The following CHRM3 variants were observed in gnomAD, a reference collection of about 807,000 sequenced individuals.
The protein encoded by CHRM3 is cholinergic receptor muscarinic 3.
CHRM3 carries 11 observed loss-of-function variants against 41.8 expected under a neutral mutation model. That is an observed-to-expected ratio of 0.26 (90% CI 0.17 to 0.44). The LOEUF is 0.44. Among genes scored for constraint, CHRM3 ranks in the 20% least tolerant of loss-of-function variants. CHRM3 has a pLI of 1.00. For synonymous variants in CHRM3, 297 were observed against 301.4 expected (o/e 0.99, Z 0.15); for missense variants, 571 against 745.4 (o/e 0.77, Z 2.72).
In CHRM3 at chr1:239,636,728, G is replaced by A. The variant is rs16838588; in HGVS notation, c.-250+4442G>A. Among the ~76,000 whole-genome samples, 614 of 152,296 alleles carry A rather than the reference G, an allele frequency of 4.0e-3. 2 individuals are homozygous for A. Among genetic ancestry groups the A allele is most frequent in the African/African-American group, 0.014 (565 of 41,566 alleles). Reference sequence around the variant, plus strand: ...AATCTGTTTTTAAAATTGTGCAAAGGAAGGGCACCCACTTTATTAATGAAT... The same window carrying A: ...AATCTGTTTTTAAAATTGTGCAAAGAAAGGGCACCCACTTTATTAATGAAT... On this transcript the variant is annotated intron_variant, in intron 4 of 6. Coordinates refer to ENST00000676153, the MANE Select transcript of CHRM3 (RefSeq NM_001375978.1).
chr1:239,746,443 ATTG>A (rs1275400503), intron 5 of CHRM3, among the ~76,000 whole-genome samples: 1 of 152,222 alleles, frequency 6.6e-6, no homozygotes, highest in South Asian at 2.1e-4. Flanking sequence ...CTCCAAAGTG[ATTG>A]TTATTTCCAT....
intron 5 of CHRM3, among the ~76,000 whole-genome samples, chr1:239,812,677 A>T (rs1393098006): frequency 6.6e-6 from 1 of 152,222 alleles, no homozygotes; most frequent in Non-Finnish European, 1.5e-5. Flanking sequence ...TGAGCAAACT[A>T]TCCATTTATC....
chr1:239,758,825 G>A (rs76331691), intron 5 of CHRM3, among the ~76,000 whole-genome samples: 1,795 of 152,204 alleles, frequency 0.012, 15 homozygotes, highest in Non-Finnish European at 0.018. Flanking sequence ...TTTCAGAAGC[G>A]CGCAAGTTGG....
chr1:239,684,469 G>A (rs1016626654), intron 5 of CHRM3, among the ~76,000 whole-genome samples: 9 of 151,764 alleles, frequency 5.9e-5, no homozygotes, highest in African/African-American at 1.2e-4. Context: ...CGAGGAGTGC[G>A]GATCACTTGA....
intron 4 of CHRM3, among the ~76,000 whole-genome samples, chr1:239,636,290 A>G (rs1276334404): frequency 1.3e-5 from 2 of 152,222 alleles, no homozygotes; most frequent in African/African-American, 2.4e-5. Context: ...TATTTAATCC[A>G]TGTTAGTAAC....
intron 1 of CHRM3, among the ~76,000 whole-genome samples, chr1:239,481,408 A>G (rs1666844016): frequency 6.6e-6 from 1 of 152,146 alleles, no homozygotes; most frequent in Non-Finnish European, 1.5e-5. Context: ...ACTTTTCCAC[A>G]TACTAGGGCT....
chr1:239,516,189 T>TC (rs1344617722), intron 2 of CHRM3, among the ~76,000 whole-genome samples: 1 of 152,204 alleles, frequency 6.6e-6, no homozygotes, highest in Non-Finnish European at 1.5e-5. Context: ...GAATTTATAG[T>TC]ATGAACAGAG....
intron 4 of CHRM3, among the ~76,000 whole-genome samples, chr1:239,655,886 C>A (rs1672666226): frequency 1.3e-5 from 2 of 152,070 alleles, no homozygotes; most frequent in East Asian, 1.9e-4. Context: ...TTGGCAATAG[C>A]AAAGATGTGG....
At chr1:239,877,864 A>G (rs1319188521) in intron 6 of CHRM3, among the ~76,000 whole-genome samples, 1 of 151,156 alleles carries the variant, frequency 6.6e-6, no homozygotes, top group African/African-American at 2.4e-5. Flanking sequence ...CAAGTGCATT[A>G]CATTTATTGT....
intron 6 of CHRM3, among the ~76,000 whole-genome samples, chr1:239,881,272 G>A (rs1677599368): frequency 2.9e-5 from 2 of 69,604 alleles, no homozygotes; most frequent in Admixed American, 2.7e-4. Context: ...GACAGAGTGA[G>A]ACTCCGTCTC....
chr1:239,764,338 G>A (rs547681894), intron 5 of CHRM3, among the ~76,000 whole-genome samples: 3 of 152,194 alleles, frequency 2.0e-5, no homozygotes, highest in Non-Finnish European at 4.4e-5. Flanking sequence ...ATTATCCTTG[G>A]CATGAGGAAG....
chr1:239,725,924 A>G (rs1348562135), intron 5 of CHRM3, among the ~76,000 whole-genome samples: 1 of 151,978 alleles, frequency 6.6e-6, no homozygotes, highest in Non-Finnish European at 1.5e-5. Flanking sequence ...AAAATATTAC[A>G]AAAACACCAG....
At chr1:239,622,981 C>T (rs1668548228) in intron 3 of CHRM3, among the ~76,000 whole-genome samples, 1 of 152,014 alleles carries the variant, frequency 6.6e-6, no homozygotes, top group South Asian at 2.1e-4. Context: ...AAAATTGCCA[C>T]AGCCTCCCCA....
rs1292613534 is a variant in CHRM3 at position 239,801,228 on chromosome 1, T to A, written c.-146-26024T>A. Among the ~76,000 whole-genome samples the A allele has an allele frequency of 2.0e-5, 3 of 152,202 alleles. No individual in the cohort carries two copies. The East Asian group carries it at 5.8e-4, about 29-fold the overall frequency. ...GATCCAATTTTGGATTTGAGGAAAT[T>A]GAGGCTTAGAGCAGTGGCGTAGTTT... On this transcript the variant is annotated intron_variant, in intron 5 of 6. Transcript: ENST00000676153.
chr1:239,560,215 T>G (rs1660728488), intron 3 of CHRM3, among the ~76,000 whole-genome samples: 1 of 152,220 alleles, frequency 6.6e-6, no homozygotes, highest in African/African-American at 2.4e-5. Flanking sequence ...ACAATAATGT[T>G]AGGAAATTAA....
At chr1:239,846,984 C>T (rs752840296) in intron 6 of CHRM3, among the ~76,000 whole-genome samples, 17 of 152,078 alleles carry the variant, frequency 1.1e-4, no homozygotes, top group African/African-American at 3.9e-4. Context: ...CTCTCTTACA[C>T]GTAAAAAGGT....
intron 2 of CHRM3, among the ~76,000 whole-genome samples, chr1:239,535,664 T>G (rs970960275): frequency 6.6e-6 from 1 of 151,904 alleles, no homozygotes; most frequent in Non-Finnish European, 1.5e-5. Flanking sequence ...GAAGACTTTG[T>G]TTTTCCCTTA....
At chr1:239,776,379 G>A (rs1483849820) in intron 5 of CHRM3, among the ~76,000 whole-genome samples, 1 of 152,160 alleles carries the variant, frequency 6.6e-6, no homozygotes, top group Non-Finnish European at 1.5e-5. Context: ...CATTAATTAT[G>A]TAAGTGTATC....
chr1:239,526,129 C>T (rs1180907191), intron 2 of CHRM3, among the ~76,000 whole-genome samples: 1 of 152,118 alleles, frequency 6.6e-6, no homozygotes, highest in Non-Finnish European at 1.5e-5. Flanking sequence ...TGTCAGCCTT[C>T]CTCCCATCTA....
Sources: allele counts gnomAD v4.1 joint callset (sites outside exome capture counted in the v4.1 genomes callset), GRCh38; gene constraint gnomAD v4.1.1; transcripts MANE v1.5; gene names NCBI Gene and HGNC (gene_info 2026-07-23, HGNC 2026-07-21).